IQCM: variants seen among roughly 807,000 people sequenced by gnomAD.
IQCM encodes the protein IQ domain-containing protein M.
IQCM carries 45 observed loss-of-function variants against 57.6 expected under a neutral mutation model. That is an observed-to-expected ratio of 0.78 (90% confidence interval 0.62 to 1.00). The LOEUF is 1.00. Among genes scored for constraint, IQCM ranks in the 50% least tolerant of loss-of-function variants. IQCM has a pLI of 0.00. For missense variants in IQCM, 468 were observed against 511.6 expected (o/e 0.91, Z 0.82); for synonymous variants, 148 against 158.9 (o/e 0.93, Z 0.51).
At chr4:149,691,519 G>A (rs2149796407) in intron 5 of IQCM, among the ~76,000 whole-genome samples, 1 of 152,260 alleles carries the variant, frequency 6.6e-6, no homozygotes, top group Middle Eastern at 3.4e-3. Flanking sequence ...AAAGGATGGG[G>A]CAAAGGTGAT....
intron 2 of IQCM, 21 bp from the exon 3 acceptor site, chr4:149,742,760 G>A: frequency 1.0e-6 from 1 of 964,112 alleles, no homozygotes. Context: ...GTTACATTAA[G>A]TAATTCAGTG....
At chr4:149,443,668 G>GGAAAGGAAAT (rs1736198166) in intron 12 of IQCM, among the ~76,000 whole-genome samples, 1 of 35,146 alleles carries the variant, frequency 2.8e-5, no homozygotes, top group Non-Finnish European at 5.9e-5. Context: ...GGTAAAGAAA[G>GGAAAGGAAAT]GAAAGGAAAG....
intron 7 of IQCM, among the ~76,000 whole-genome samples, chr4:149,624,443 A>G (rs12511131): frequency 6.6e-6 from 1 of 152,152 alleles, no homozygotes; most frequent in African/African-American, 2.4e-5. Context: ...TATGTAGTTG[A>G]CAATTAGCCC....
chr4:149,451,913 C>T (rs373551391), intron 12 of IQCM, among the ~76,000 whole-genome samples: 15 of 151,580 alleles, frequency 9.9e-5, no homozygotes, highest in Admixed American at 9.2e-4. Context: ...ATCTTAGAAG[C>T]GAAGCAATAA....
chr4:149,756,556 C>T (rs1768985219), intron 2 of IQCM, among the ~76,000 whole-genome samples: 1 of 151,716 alleles, frequency 6.6e-6, no homozygotes, highest in South Asian at 2.1e-4. Flanking sequence ...AAAATGAACC[C>T]AAAAGAATGA....
intron 12 of IQCM, among the ~76,000 whole-genome samples, chr4:149,521,765 T>C (rs1441122413): frequency 6.6e-6 from 1 of 152,174 alleles, no homozygotes; most frequent in African/African-American, 2.4e-5. Flanking sequence ...TGAGTCAGGT[T>C]ATATTGGCCT....
intron 9 of IQCM, among the ~76,000 whole-genome samples, chr4:149,564,308 T>C (rs1750405908): frequency 6.6e-6 from 1 of 152,188 alleles, no homozygotes; most frequent in Non-Finnish European, 1.5e-5. Flanking sequence ...AAAAGTAACT[T>C]TGATTCAAAT....
At chr4:149,661,739 A>G (rs1760235588) in intron 7 of IQCM, among the ~76,000 whole-genome samples, 1 of 152,220 alleles carries the variant, frequency 6.6e-6, no homozygotes, top group Admixed American at 6.5e-5. Context: ...TTGTTGAGGT[A>G]TAGTTGTTCA....
chr4:149,791,550 C>T (rs1029240078), intron 2 of IQCM, among the ~76,000 whole-genome samples: 1 of 152,104 alleles, frequency 6.6e-6, no homozygotes, highest in Admixed American at 6.6e-5. Context: ...TTTCTGTTCC[C>T]ACTAACCATT....
chr4:149,512,222 C>T (rs1212337085), intron 12 of IQCM, among the ~76,000 whole-genome samples: 2 of 152,100 alleles, frequency 1.3e-5, no homozygotes, highest in Non-Finnish European at 2.9e-5. Context: ...CATTGATCAG[C>T]TTCCCTTGGA....
At chr4:149,615,156 C>T (rs1031666531) in intron 8 of IQCM, among the ~76,000 whole-genome samples, 51 of 151,916 alleles carry the variant, frequency 3.4e-4, no homozygotes, top group African/African-American at 1.2e-3. Flanking sequence ...GCTATGACTA[C>T]AATCCCCTAC....
intron 3 of IQCM, chr4:149,737,798 G>T (rs1767078123): frequency 6.6e-6 from 1 of 152,168 alleles, no homozygotes; most frequent in Admixed American, 6.6e-5. Context: ...ACTTCATGGA[G>T]GAAAGCCAGC....
In IQCM at chr4:149,642,028, A is replaced by G. The variant is rs188641920; in HGVS notation, c.566-20784T>C. On this transcript the variant is annotated intron_variant, in intron 7 of 13. Coordinates refer to ENST00000636793, the MANE Select transcript of IQCM (RefSeq NM_001363507.2). ...ACAAAGTTAAATCCTCAGTGTGTAT[A>G]CTCAAGAAGAAATAGTCCAGACAGT... 3.9e-5 allele frequency among the ~76,000 whole-genome samples: 6 copies of G among 152,274 alleles called. 1 individual carries two copies.
chr4:149,517,698 T>C (rs1279277039), intron 12 of IQCM, among the ~76,000 whole-genome samples: 2 of 152,146 alleles, frequency 1.3e-5, no homozygotes, highest in African/African-American at 2.4e-5. Flanking sequence ...CCATCCTTTA[T>C]CTGGGTGGGC....
At chr4:149,664,791 G>T (rs1760556487) in intron 7 of IQCM, among the ~76,000 whole-genome samples, 1 of 152,146 alleles carries the variant, frequency 6.6e-6, no homozygotes, top group Non-Finnish European at 1.5e-5. Context: ...CTGCAAGTCA[G>T]GTGGCTGTGG....
intron 13 of IQCM, among the ~76,000 whole-genome samples, chr4:149,430,610 T>C (rs1439754097): frequency 1.3e-5 from 2 of 152,024 alleles, no homozygotes; most frequent in African/African-American, 4.8e-5. Context: ...GTACTCTTTA[T>C]TGTCTGGCCT....
rs192534475 is a variant in IQCM at position 149,523,982 on chromosome 4, A to G, written c.1228+24473T>C. 5.9e-5 allele frequency among the ~76,000 whole-genome samples: 9 copies of G among 152,304 alleles called. 1 individual carries two copies. Among genetic ancestry groups the G allele is most frequent in the Admixed American group, 2.6e-4 (4 of 15,296 alleles). ...TGTTTATAACAGCTTTGTGTATAATAACCCTAACCAGGAAATATATCAAAT... is the reference window on the plus strand; with the variant it reads ...TGTTTATAACAGCTTTGTGTATAATGACCCTAACCAGGAAATATATCAAAT... On this transcript the variant is annotated intron_variant, in intron 12 of 13. Transcript: ENST00000636793.
chr4:149,728,767 C>A lies in IQCM; in HGVS notation c.385+4477G>T, dbSNP rs534491493. Among the ~76,000 whole-genome samples the A allele has an allele frequency of 1.6e-4, 25 of 152,306 alleles. No homozygotes were observed. The East Asian group carries it at 4.6e-3, about 28-fold the overall frequency. ...TATCCCGTCTCTGCTACAGTCTGTT[C>A]TTTAGGACACTAAATATTCATTCCT... On this transcript the variant is annotated intron_variant, in intron 5 of 13. Coordinates refer to ENST00000636793, the MANE Select transcript of IQCM (RefSeq NM_001363507.2).
At chr4:149,528,813 G>T (rs527830750) in intron 12 of IQCM, among the ~76,000 whole-genome samples, 1 of 152,100 alleles carries the variant, frequency 6.6e-6, no homozygotes, top group Non-Finnish European at 1.5e-5. Context: ...AGTGTACCTT[G>T]CACTATAGAA....
Sources: gnomAD v4.1 joint callset for allele counts (sites outside exome capture counted in the v4.1 genomes callset) on GRCh38, gnomAD v4.1.1 for gene constraint, MANE v1.5 for transcripts, NCBI Gene and HGNC (gene_info 2026-07-23, HGNC 2026-07-21) for gene names.